The following ADA variants were observed in gnomAD, a reference collection of about 807,000 sequenced individuals.
ADA encodes adenosine aminohydrolase.
A neutral mutation model predicts 49.0 loss-of-function variants in ADA; 45 were observed. That is an observed-to-expected ratio of 0.92 (90% CI 0.72 to 1.18). The LOEUF (loss-of-function observed/expected upper bound fraction) is 1.18. Ranked by LOEUF, ADA falls within the 50% of genes most tolerant of loss-of-function variation. The probability of loss-of-function intolerance (pLI) is 0.00; values close to 1 mark genes in which losing one functional copy is unlikely to be tolerated. For synonymous variants in ADA, 173 were observed against 184.2 expected, an observed-to-expected ratio of 0.94 and a Z score of 0.49; for missense variants, 445 against 472.5, an observed-to-expected ratio of 0.94 and a Z score of 0.54.
At position 44,622,829 on chromosome 20, in the gene ADA, C is replaced by G. The variant is rs1354071013; in HGVS notation, c.780G>C (p.Glu260Asp). Residue 260 changes from glutamate to aspartate, a missense_variant and splice_region_variant, in exon 8 of 12, where the codon GAG becomes GAC. Transcript: ENST00000372874. ...CCTCCCCACTCCCTGGCCCGCTTAC[C>G]TCGAAGTGCATGTTTTCCTGCCGCA... is the stretch of plus-strand genomic sequence containing the variant. ...NRLRQENMHFEICPWSSYLTG... is the reference protein window; with the variant it reads ...NRLRQENMHFDICPWSSYLTG... 6.2e-7 allele frequency: 1 copy of G among 1,614,138 alleles called. No homozygotes were observed. The highest frequency in any genetic ancestry group is 8.5e-7 in the Non-Finnish European group (1 of 1,180,044).
At chr20:44,620,194 C>T in intron 11 of ADA, 105 bp downstream of exon 11, 2 of 1,035,646 alleles carry the variant, frequency 1.9e-6, no homozygotes, top group Admixed American at 3.4e-5. Context: ...ATCACACATT[C>T]ATGGCGCTGC....
Position 44,620,999 on chromosome 20 carries a change from A to G in ADA, c.975+19T>C, listed in dbSNP as rs1006589979. 2 of 1,613,736 alleles carry G rather than the reference A, an allele frequency of 1.2e-6. No homozygotes were observed. The highest frequency in any genetic ancestry group is 1.3e-5 in the African/African-American group (1 of 75,008). On this transcript the variant is annotated intron_variant, in intron 10 of 11. Coordinates refer to ENST00000372874, the MANE Select transcript of ADA (RefSeq NM_000022.4). ...CTCCCAAACCCGAGTCAAGGCCAGTATGGCTCACACCCACTCACCAGCCTT... is the reference window on the plus strand; with the variant it reads ...CTCCCAAACCCGAGTCAAGGCCAGTGTGGCTCACACCCACTCACCAGCCTT...
intron 3 of ADA, among the ~76,000 whole-genome samples, chr20:44,626,832 C>T (rs1398037886): frequency 6.6e-6 from 1 of 152,188 alleles, no homozygotes; most frequent in Non-Finnish European, 1.5e-5. Context: ...CCATCTCTAA[C>T]TGGCCTCCCT....
rs2065599102 is a variant in ADA, at chr20:44,647,104, C to T, written c.33+4471G>A. Among the ~76,000 whole-genome samples, 5 of 152,176 alleles carry T rather than the reference C, an allele frequency of 3.3e-5. No homozygotes were observed. The South Asian group carries it at 8.3e-4, about 25-fold the overall frequency. On this transcript the variant is annotated intron_variant, in intron 1 of 11. Coordinates refer to ENST00000372874, the MANE Select transcript of ADA (RefSeq NM_000022.4). Reference sequence around the variant, plus strand: ...AAAAGGCACATTGCTGATTTAGCCCCAATTCCCCTCTGCATCAGAGAGGGA... The same window carrying T: ...AAAAGGCACATTGCTGATTTAGCCCTAATTCCCCTCTGCATCAGAGAGGGA...
intron 1 of ADA, 94 bp downstream of exon 1, chr20:44,651,481 C>G: frequency 7.7e-7 from 1 of 1,303,792 alleles, no homozygotes; most frequent in Non-Finnish European, 1.1e-6. Flanking sequence ...CCCGTTCGTT[C>G]CCAGGGTTTG....
chr20:44,626,269 A>G, intron 4 of ADA, 187 bp downstream of exon 4: 1 of 801,266 alleles, frequency 1.2e-6, no homozygotes, highest in Non-Finnish European at 2.0e-6. Context: ...CATAACGGCA[A>G]AGGGAGGATG....
intron 1 of ADA, among the ~76,000 whole-genome samples, chr20:44,645,548 G>A (rs6031691): frequency 4.6e-5 from 7 of 152,140 alleles, no homozygotes; most frequent in African/African-American, 1.7e-4. Context: ...CTTGAACCCG[G>A]GAGGCAGAGG....
intron 2 of ADA, among the ~76,000 whole-genome samples, chr20:44,635,082 T>A (rs1383730773): frequency 6.6e-6 from 1 of 152,200 alleles, no homozygotes; most frequent in Admixed American, 6.5e-5. Context: ...AGACAGGAGA[T>A]AATATGTCCA....
chr20:44,624,319 G>C lies in ADA; in HGVS notation c.489C>G (p.Pro163=), dbSNP rs2065362080. 1 of 1,613,592 alleles carries C rather than the reference G, an allele frequency of 6.2e-7. No homozygotes were observed. The highest frequency in any genetic ancestry group is 1.3e-5 in the African/African-American group (1 of 75,026). Residue 163 remains proline (P), a synonymous_variant, in exon 6 of 12, where the codon CCC becomes CCG. Coordinates refer to ENST00000372874, the MANE Select transcript of ADA (RefSeq NM_000022.4). ...CCMRHQPNWS[P]KVVELCKKYQ... ...ACTTCTTACACAGCTCCACCACCTT[G>C]GGGGACCAGTCTGTGGGCGAGATGC...
chr20:44,648,975 C>T (rs2047703428), intron 1 of ADA, among the ~76,000 whole-genome samples: 1 of 152,074 alleles, frequency 6.6e-6, no homozygotes, highest in Non-Finnish European at 1.5e-5. Flanking sequence ...AGCTGAAGGA[C>T]ACAGCAAAGG....
intron 1 of ADA, among the ~76,000 whole-genome samples, chr20:44,651,344 G>C (rs896571330): frequency 2.0e-5 from 3 of 152,238 alleles, no homozygotes; most frequent in Non-Finnish European, 4.4e-5. Flanking sequence ...ACCCAGAGGG[G>C]TCAAGTCAGG....
intron 2 of ADA, among the ~76,000 whole-genome samples, chr20:44,629,774 C>T (rs1311384691): frequency 2.6e-5 from 4 of 152,154 alleles, no homozygotes; most frequent in Non-Finnish European, 4.4e-5. Context: ...TGCCCACAGC[C>T]GCCACACCAA....
At chr20:44,634,134 C>G (rs1433479094) in intron 2 of ADA, among the ~76,000 whole-genome samples, 3 of 152,218 alleles carry the variant, frequency 2.0e-5, no homozygotes, top group African/African-American at 7.2e-5. Context: ...GCTCCCAGCC[C>G]CTGGCTGCAG....
At chr20:44,645,858 G>A (rs2065586465) in intron 1 of ADA, among the ~76,000 whole-genome samples, 1 of 152,178 alleles carries the variant, frequency 6.6e-6, no homozygotes, top group African/African-American at 2.4e-5. Flanking sequence ...ACCCCAGCTG[G>A]TGTCCAAGTT....
intron 2 of ADA, among the ~76,000 whole-genome samples, chr20:44,631,574 T>C (rs752514164): frequency 6.6e-6 from 1 of 152,296 alleles, no homozygotes; most frequent in Non-Finnish European, 1.5e-5. Flanking sequence ...CCAAACCCAG[T>C]GGCCACATTT....
rs1458867052 is a variant in ADA, at chr20:44,622,496, C to T, written c.845+92G>A. The T allele has an allele frequency of 2.5e-5, 37 of 1,451,166 alleles. No homozygotes were observed. In the Admixed American group the frequency reaches 3.9e-4, roughly 15 times the overall value. 89.9% of individuals were successfully genotyped at this position (1,451,166 alleles called of 1,614,324 possible). A position where few individuals can be genotyped will look rare whatever the true frequency, so the allele number is the denominator to read the frequency against. On this transcript the variant is annotated intron_variant, in intron 9 of 11. Coordinates refer to ENST00000372874, the MANE Select transcript of ADA (RefSeq NM_000022.4). ...TCGAAGAGATTTCATATCTAAAAGA[C>T]GCGGCATGGGCTGATGCCCAATCCC...
In ADA at chr20:44,636,226, C is replaced by T. The variant is rs778343059; in HGVS notation, c.95+1G>A. On this transcript the variant is annotated splice_donor_variant, in intron 2 of 11. Coordinates refer to ENST00000372874, the MANE Select transcript of ADA (RefSeq NM_000022.4). LOFTEE classifies it high-confidence loss of function. ...GAGAGGGCTCTTCTGTATGGACTTA[C>T]CTGCCATAGTATAAGATGGTTTCAG... The T allele has an allele frequency of 6.2e-7, 1 of 1,609,660 alleles. No homozygotes were observed. The highest frequency in any genetic ancestry group is 1.7e-5 in the Admixed American group (1 of 59,436).
intron 2 of ADA, among the ~76,000 whole-genome samples, chr20:44,630,491 T>A (rs1301309118): frequency 1.3e-5 from 2 of 151,668 alleles, no homozygotes; most frequent in East Asian, 3.9e-4. Context: ...CTCAAAGAGA[T>A]GAGAAGATCC....
chr20:44,634,512 C>T (rs1363856133), intron 2 of ADA, among the ~76,000 whole-genome samples: 1 of 152,200 alleles, frequency 6.6e-6, no homozygotes, highest in Non-Finnish European at 1.5e-5. Context: ...CTCCACCTAC[C>T]ACGGCTCAGT....
Sources: allele counts gnomAD v4.1 joint callset (sites outside exome capture counted in the v4.1 genomes callset), GRCh38; gene constraint gnomAD v4.1.1; transcripts MANE v1.5; gene names NCBI Gene and HGNC (gene_info 2026-07-23, HGNC 2026-07-21).